The following DRD4 variants were observed in gnomAD, a reference collection of about 807,000 sequenced individuals.
DRD4 encodes the protein D(4) dopamine receptor.
Under a neutral mutation model 22.1 loss-of-function variants are expected in DRD4, and 26 were observed. The ratio of observed to expected loss-of-function variants is 1.17; its 90% CI spans 0.86 to 1.63. The LOEUF is 1.63. Ranked by LOEUF, DRD4 falls within the 40% of genes most tolerant of loss-of-function variation. The pLI, the probability that DRD4 is intolerant of heterozygous loss-of-function variation, is 0.00. For synonymous variants in DRD4, 455 were observed against 306.7 expected (o/e 1.48, Z -5.05); for missense variants, 913 against 632.4 (o/e 1.44, Z -4.76).
Position 640,502 on chromosome 11 carries a change from T to A in DRD4, c.1159T>A (p.Trp387Arg). 1 of 1,601,340 alleles carries A rather than the reference T, an allele frequency of 6.2e-7. No individual in the cohort carries two copies. Among genetic ancestry groups the A allele is most frequent in the Non-Finnish European group, 8.5e-7 (1 of 1,179,618 alleles). ...CCCGCGGCTGGTCAGCGCCGTCACC[T>A]GGCTGGGCTACGTCAACAGCGCCCT... ...VPPRLVSAVT[W>R]LGYVNSALNP... The change falls in exon 4 of 4, where the codon TGG becomes AGG. Residue 387 changes from tryptophan (W) to arginine (R), a missense_variant. Transcript: ENST00000176183.
chr11:639,036 T>G (rs991523633), intron 1 of DRD4: 6 of 230,302 alleles, frequency 2.6e-5, no homozygotes, highest in South Asian at 4.7e-5. Flanking sequence ...TGAGTTGAGA[T>G]CTCACCACTG....
At chr11:638,782 C>G (rs1430603568) in intron 1 of DRD4, among the ~76,000 whole-genome samples, 2 of 152,146 alleles carry the variant, frequency 1.3e-5, no homozygotes, top group Admixed American at 1.3e-4. Context: ...TTCCCCAGGC[C>G]GTTCTCATGT....
In DRD4 at chr11:640,547, G is replaced by C; in HGVS notation, c.1204G>C (p.Val402Leu). ...NSALNPVIYTVFNAEFRNVFR... is the reference protein window; with the variant it reads ...NSALNPVIYTLFNAEFRNVFR... Reference sequence around the variant, plus strand: ...CGCCCTCAACCCCGTCATCTACACTGTCTTCAACGCCGAGTTCCGCAACGT... The same window carrying C: ...CGCCCTCAACCCCGTCATCTACACTCTCTTCAACGCCGAGTTCCGCAACGT... The change falls in exon 4 of 4, where the codon GTC becomes CTC. Residue 402 changes from valine (V) to leucine (L), a missense_variant. Transcript: ENST00000176183. 1.2e-6 allele frequency: 2 copies of C among 1,600,440 alleles called. No homozygotes were observed. The highest frequency in any genetic ancestry group is 1.7e-6 in the Non-Finnish European group (2 of 1,179,752).
chr11:637,301 C>T lies in DRD4; in HGVS notation c.-4C>T, dbSNP rs1356631353. 5.0e-6 allele frequency: 6 copies of T among 1,207,452 alleles called. No individual in the cohort carries two copies. Among genetic ancestry groups the T allele is most frequent in the Admixed American group, 8.8e-5 (2 of 22,708 alleles). The allele number at this position is 1,207,452 out of a possible 1,614,324, so 74.8% of individuals were successfully genotyped here. A position where few individuals can be genotyped will look rare whatever the true frequency, so the allele number is the denominator to read the frequency against. ...GCGGTGCTCAGCGCCCGCCCGGGCG[C>T]GCCATGGGGAACCGCAGCACCGCGG... is the stretch of plus-strand genomic sequence containing the variant. On this transcript the variant is annotated 5_prime_UTR_variant, in exon 1 of 4. Coordinates refer to ENST00000176183, the MANE Select transcript of DRD4 (RefSeq NM_000797.4).
rs1217392549 is a variant in DRD4 at position 639,745 on chromosome 11, G to A, written c.496G>A (p.Val166Met). The change falls in exon 3 of 4, where the codon GTG (valine) becomes ATG (methionine). Residue 166 changes from valine (V) to methionine (M), a missense_variant. Val to Met is a conservative substitution (Grantham distance 21). Transcript: ENST00000176183. ...IGATWLLSAAVAAPVLCGLND... is the reference protein window; with the variant it reads ...IGATWLLSAAMAAPVLCGLND... The stretch of plus-strand genomic sequence containing the variant: ...CGCCACGTGGCTGCTGTCCGCGGCG[G>A]TGGCGGCGCCCGTACTGTGCGGCCT... 1.9e-6 allele frequency: 3 copies of A among 1,539,126 alleles called. No individual in the cohort carries two copies. The highest frequency in any genetic ancestry group is 2.6e-6 in the Non-Finnish European group (3 of 1,152,394).
At chr11:638,025 A>C (rs1274203932) in intron 1 of DRD4, among the ~76,000 whole-genome samples, 3 of 152,130 alleles carry the variant, frequency 2.0e-5, no homozygotes, top group Admixed American at 6.5e-5. Flanking sequence ...ACTGCCCACC[A>C]CACACACCTA....
Position 640,380 on chromosome 11 carries a change from C to A in DRD4, c.1058-21C>A, listed in dbSNP as rs752870951. 4 of 1,594,380 alleles carry A rather than the reference C, an allele frequency of 2.5e-6. No homozygotes were observed. The East Asian group carries it at 6.7e-5, about 27-fold the overall frequency. On this transcript the variant is annotated intron_variant, in intron 3 of 3. Transcript: ENST00000176183. Reference sequence around the variant, plus strand: ...AGGCCGGCTGGGCGGGGGGCGCTAACGCGGCTCTCGGCGCCCCCAGGGGCC... The same window carrying A: ...AGGCCGGCTGGGCGGGGGGCGCTAAAGCGGCTCTCGGCGCCCCCAGGGGCC...
chr11:640,700 T>G lies in DRD4; in HGVS notation c.*97T>G. The G allele has an allele frequency of 7.0e-7, 1 of 1,432,546 alleles. No individual in the cohort carries two copies. Among genetic ancestry groups the G allele is most frequent in the Non-Finnish European group, 9.6e-7 (1 of 1,046,404 alleles). 88.7% of individuals were successfully genotyped at this position (1,432,546 alleles called of 1,614,324 possible). On this transcript the variant is annotated 3_prime_UTR_variant, in exon 4 of 4. Coordinates refer to ENST00000176183, the MANE Select transcript of DRD4 (RefSeq NM_000797.4). ...TTGTACGTTAATTAAACAAATTCCT[T>G]CCCAAACTCAGCTGTGAAGGCTCCT... is the stretch of plus-strand genomic sequence containing the variant.
chr11:639,329 C>T (rs1224761942), intron 1 of DRD4, 104 bp from the exon 2 acceptor site: 11 of 1,096,800 alleles, frequency 1.0e-5, no homozygotes, highest in Non-Finnish European at 1.5e-5. Flanking sequence ...ACAGCCGGGC[C>T]CCCTTCTCCG....
Position 639,453 on chromosome 11 carries a change from G to T in DRD4, c.306G>T (p.Leu102=). 6.3e-7 allele frequency: 1 copy of T among 1,597,010 alleles called. No homozygotes were observed. The highest frequency in any genetic ancestry group is 8.5e-7 in the Non-Finnish European group (1 of 1,177,562). The change falls in exon 2 of 4, where the codon CTG becomes CTT. Residue 102 remains leucine, a synonymous_variant. Transcript: ENST00000176183. ...CGCAGGTCCAGGGTGGCGCGTGGCT[G>T]CTGAGCCCCCGCCTGTGCGACGCCC... The part of the protein sequence containing the change: ...VYSEVQGGAW[L]LSPRLCDALM...
chr11:639,295 G>A (rs945105522), intron 1 of DRD4, 138 bp from the exon 2 acceptor site: 1 of 783,250 alleles, frequency 1.3e-6, no homozygotes, highest in Non-Finnish European at 2.1e-6. Context: ...GTGTTTCCCT[G>A]CCCGGTCCTC....
rs745437279 is a variant in DRD4, at chr11:639,557, TCCCCGCCCGCGCCCCGGCGCCCCCGCG to T, written c.398+23_398+49del. Reference sequence around the variant, plus strand: ...ATCAGCGTGGACAGGTGCGCCGCCCTCCCCGCCCGCGCCCCGGCGCCCCCGCGCCCCGCCCGCCGCCCTCACCGCGGC... The same window carrying T: ...ATCAGCGTGGACAGGTGCGCCGCCCTCCCCGCCCGCCGCCCTCACCGCGGC... On this transcript the variant is annotated intron_variant, in intron 2 of 3. Coordinates refer to ENST00000176183, the MANE Select transcript of DRD4 (RefSeq NM_000797.4). The T allele has an allele frequency of 7.5e-5, 110 of 1,458,198 alleles. 1 individual carries two copies. In the Admixed American group the frequency reaches 9.8e-4, roughly 13 times the overall value. 90.3% of individuals were successfully genotyped at this position (1,458,198 alleles called of 1,614,324 possible).
rs1858214155 is a variant in DRD4, at chr11:640,478, C to G, written c.1135C>G (p.Pro379Ala). Residue 379 changes from proline (P) to alanine (A), a missense_variant, in exon 4 of 4, where the codon CCG (proline) becomes GCG (alanine). Pro to Ala is a conservative substitution (Grantham distance 27). Transcript: ENST00000176183. ...GCTGTGTCCTGCCTGCTCCGTGCCC[C>G]CGCGGCTGGTCAGCGCCGTCACCTG... ...QALCPACSVPPRLVSAVTWLG... is the reference protein window; with the variant it reads ...QALCPACSVPARLVSAVTWLG... The G allele has an allele frequency of 6.2e-7, 1 of 1,602,192 alleles. No homozygotes were observed. Among genetic ancestry groups the G allele is most frequent in the Admixed American group, 1.7e-5 (1 of 59,992 alleles).
At position 637,464 on chromosome 11, in the gene DRD4, CTCGTGT is replaced by C; in HGVS notation, c.161_166del (p.Leu54_Cys56delinsArg). ...CGGCGCGGTGCTCGCGGGGAACTCGCTCGTGTGCGTGAGCGTGGCCACCGAGCGCGC... is the reference window on the plus strand; with the variant it reads ...CGGCGCGGTGCTCGCGGGGAACTCGCGCGTGAGCGTGGCCACCGAGCGCGC... On this transcript the variant is annotated inframe_deletion, in exon 1 of 4. Coordinates refer to ENST00000176183, the MANE Select transcript of DRD4 (RefSeq NM_000797.4). The C allele has an allele frequency of 6.5e-7, 1 of 1,537,138 alleles. No homozygotes were observed. The highest frequency in any genetic ancestry group is 2.4e-5 in the East Asian group (1 of 41,050).
Position 639,637 on chromosome 11 carries a change from G to T in DRD4, c.399-11G>T. ...GTGCGCTGTCCGGCGCCCCCTCGGC[G>T]CTCCCCGCAGGTTCGTGGCCGTGGC... On this transcript the variant is annotated splice_polypyrimidine_tract_variant and intron_variant, in intron 2 of 3. Coordinates refer to ENST00000176183, the MANE Select transcript of DRD4 (RefSeq NM_000797.4). 3.5e-6 allele frequency: 5 copies of T among 1,424,296 alleles called. No individual in the cohort carries two copies. Among genetic ancestry groups the T allele is most frequent in the Non-Finnish European group, 4.6e-6 (5 of 1,088,834 alleles). The allele number at this position is 1,424,296 out of a possible 1,614,324, so 88.2% of individuals were successfully genotyped here. A position where few individuals can be genotyped will look rare whatever the true frequency, so the allele number is the denominator to read the frequency against.
rs767779176 is a variant in DRD4 at position 637,408 on chromosome 11, C to A, written c.104C>A (p.Ala35Glu). Residue 35 changes from alanine (A) to glutamate (E), a missense_variant, in exon 1 of 4, where the codon GCG becomes GAG. Coordinates refer to ENST00000176183, the MANE Select transcript of DRD4 (RefSeq NM_000797.4). ...TCTGCGGGGCTGGCTGGGCAGGGCG[C>A]GGCGGCGCTGGTGGGGGGCGTGCTG... ...GASAGLAGQG[A>E]AALVGGVLLI... The A allele has an allele frequency of 3.3e-6, 5 of 1,494,758 alleles. No homozygotes were observed. In the Admixed American group the frequency reaches 8.4e-5, roughly 25 times the overall value. The allele number at this position is 1,494,758 out of a possible 1,614,324, so 92.6% of individuals were successfully genotyped here. A position where few individuals can be genotyped will look rare whatever the true frequency, so the allele number is the denominator to read the frequency against.
Position 640,578 on chromosome 11 carries a change from G to T in DRD4, c.1235G>T (p.Arg412Leu), listed in dbSNP as rs115232659. The T allele has an allele frequency of 1.2e-4, 191 of 1,599,838 alleles. 2 individuals are homozygous for T. The African/African-American group carries it at 2.4e-3, about 20-fold the overall frequency. Residue 412 changes from arginine to leucine, a missense_variant, in exon 4 of 4, where the codon CGC becomes CTC. By Grantham distance (102) the Arg-to-Leu change is moderately radical (BLOSUM62 -2). Transcript: ENST00000176183. Reference protein sequence around the residue: ...VFNAEFRNVFRKALRACC With the variant: ...VFNAEFRNVFLKALRACC ...AACGCCGAGTTCCGCAACGTCTTCCGCAAGGCCCTGCGTGCCTGCTGCTGA... is the reference window on the plus strand; with the variant it reads ...AACGCCGAGTTCCGCAACGTCTTCCTCAAGGCCCTGCGTGCCTGCTGCTGA...
At position 637,383 on chromosome 11, in the gene DRD4, T is replaced by A. The variant is rs1858083847; in HGVS notation, c.79T>A (p.Ser27Thr). 1.5e-6 allele frequency: 2 copies of A among 1,351,560 alleles called. No homozygotes were observed. Among genetic ancestry groups the A allele is most frequent in the African/African-American group, 3.1e-5 (2 of 65,468 alleles). The allele number at this position is 1,351,560 out of a possible 1,614,324, so 83.7% of individuals were successfully genotyped here. Reference protein sequence around the residue: ...GPAAGASAGASAGLAGQGAAA... With the variant: ...GPAAGASAGATAGLAGQGAAA... ...GGCCGCGGGGGCATCTGCGGGGGCA[T>A]CTGCGGGGCTGGCTGGGCAGGGCGC... The change falls in exon 1 of 4, where the codon TCT (serine) becomes ACT (threonine). Residue 27 changes from serine to threonine, a missense_variant. Physicochemically the swap from Ser to Thr is moderately conservative, Grantham distance 58 (BLOSUM62 1). Coordinates refer to ENST00000176183, the MANE Select transcript of DRD4 (RefSeq NM_000797.4).
In DRD4 at chr11:640,582, G is replaced by A. The variant is rs769472877; in HGVS notation, c.1239G>A (p.Lys413=). 3 of 1,599,550 alleles carry A rather than the reference G, an allele frequency of 1.9e-6. No individual in the cohort carries two copies. Among genetic ancestry groups the A allele is most frequent in the African/African-American group, 2.7e-5 (2 of 74,944 alleles). ...CCGAGTTCCGCAACGTCTTCCGCAA[G>A]GCCCTGCGTGCCTGCTGCTGAGCCG... ...FNAEFRNVFR[K]ALRACC is the part of the protein sequence containing the mutation. Residue 413 remains lysine (K), a synonymous_variant, in exon 4 of 4, where the codon AAG becomes AAA. Transcript: ENST00000176183.
Sources: gnomAD v4.1 joint callset for allele counts (sites outside exome capture counted in the v4.1 genomes callset) on GRCh38, gnomAD v4.1.1 for gene constraint, MANE v1.5 for transcripts, NCBI Gene and HGNC (gene_info 2026-07-23, HGNC 2026-07-21) for gene names.